SEMA3E: variants seen among roughly 807,000 people sequenced by gnomAD.
SEMA3E encodes the protein semaphorin-3E.
A neutral mutation model predicts 93.6 loss-of-function variants in SEMA3E; 49 were observed. The ratio of observed to expected loss-of-function variants is 0.52; its 90% CI spans 0.42 to 0.66. SEMA3E has a LOEUF of 0.66. SEMA3E is among the 30% of genes least tolerant of loss of function. The pLI is 0.00. For synonymous variants in SEMA3E, 363 were observed against 330.7 expected (o/e 1.10, Z -1.06); for missense variants, 906 against 964.8 (o/e 0.94, Z 0.81).
chr7:83,470,424 T>C (rs1022505127), intron 2 of SEMA3E, among the ~76,000 whole-genome samples: 20 of 152,272 alleles, frequency 1.3e-4, no homozygotes, highest in African/African-American at 4.8e-4. Context: ...TTGTACTATG[T>C]GCCAGGCATT....
chr7:83,492,332 CCAGTGAGGTGATTAATACCT>C (rs1206342491), intron 1 of SEMA3E, among the ~76,000 whole-genome samples: 11 of 152,000 alleles, frequency 7.2e-5, no homozygotes, highest in African/African-American at 2.7e-4. Flanking sequence ...TGCCTGCTAC[CCAGTGAGGTGATTAATACCT>C]CATTATCCCT....
At chr7:83,417,235 C>G (rs566819673) in intron 5 of SEMA3E, among the ~76,000 whole-genome samples, 30 of 152,082 alleles carry the variant, frequency 2.0e-4, no homozygotes, top group Non-Finnish European at 4.0e-4. Context: ...GGTGTTTGCT[C>G]TATAAATACA....
At chr7:83,391,599 C>A (rs938806532) in intron 14 of SEMA3E, among the ~76,000 whole-genome samples, 3 of 93,196 alleles carry the variant, frequency 3.2e-5, no homozygotes, top group Non-Finnish European at 8.6e-5. Context: ...CTTATTATAT[C>A]ATTTTTTTAA....
intron 1 of SEMA3E, among the ~76,000 whole-genome samples, chr7:83,506,278 A>T (rs1291303965): frequency 6.6e-6 from 1 of 152,112 alleles, no homozygotes; most frequent in Non-Finnish European, 1.5e-5. Flanking sequence ...ATACAGTATT[A>T]TTCAGACTTA....
Position 83,366,212 on chromosome 7 carries a change from G to A in SEMA3E, c.*1374C>T, listed in dbSNP as rs1422263720. The A allele has an allele frequency of 6.6e-6, 1 of 151,972 alleles. No individual in the cohort carries two copies. Among genetic ancestry groups the A allele is most frequent in the Non-Finnish European group, 1.5e-5 (1 of 67,930 alleles). 9.4% of individuals were successfully genotyped at this position (151,972 alleles called of 1,614,324 possible). ...AATATCTAAATAAATGTTCATAATGGTTCTCCTGTGTAATCCACTTGCTTT... is the reference window on the plus strand; with the variant it reads ...AATATCTAAATAAATGTTCATAATGATTCTCCTGTGTAATCCACTTGCTTT... On this transcript the variant is annotated 3_prime_UTR_variant, in exon 17 of 17. Transcript: ENST00000643230.
chr7:83,438,470 A>G (rs1789047476), intron 4 of SEMA3E, among the ~76,000 whole-genome samples: 1 of 152,154 alleles, frequency 6.6e-6, no homozygotes, highest in East Asian at 1.9e-4. Flanking sequence ...ATAAAATACC[A>G]AGAACTTTAA....
intron 2 of SEMA3E, among the ~76,000 whole-genome samples, chr7:83,472,477 T>C (rs1409398031): frequency 6.6e-6 from 1 of 152,228 alleles, no homozygotes; most frequent in Non-Finnish European, 1.5e-5. Context: ...CTCAAGAGCT[T>C]AAGTCTCCTA....
chr7:83,522,848 C>G (rs116838379), intron 1 of SEMA3E, among the ~76,000 whole-genome samples: 1,574 of 152,212 alleles, frequency 0.01, 25 homozygotes, highest in African/African-American at 0.033. Flanking sequence ...TTCCCTCACA[C>G]TTTGCTCAGT....
chr7:83,621,410 G>T (rs1430668304), intron 1 of SEMA3E, among the ~76,000 whole-genome samples: 1 of 152,090 alleles, frequency 6.6e-6, no homozygotes, highest in Admixed American at 6.5e-5. Context: ...TGTGAAAATG[G>T]CCATACTGCC....
intron 1 of SEMA3E, among the ~76,000 whole-genome samples, chr7:83,627,143 G>T (rs764316789): frequency 3.3e-5 from 5 of 152,128 alleles, no homozygotes; most frequent in Non-Finnish European, 7.4e-5. Context: ...GTCAATTTTA[G>T]AATAAGTGTG....
chr7:83,638,262 A>G (rs1317581249), intron 1 of SEMA3E, among the ~76,000 whole-genome samples: 1 of 152,228 alleles, frequency 6.6e-6, no homozygotes, highest in Non-Finnish European at 1.5e-5. Context: ...TCTTAATTTT[A>G]TCACACTGTT....
intron 4 of SEMA3E, among the ~76,000 whole-genome samples, chr7:83,433,796 A>T (rs1788937609): frequency 6.6e-6 from 1 of 152,116 alleles, no homozygotes; most frequent in Non-Finnish European, 1.5e-5. Flanking sequence ...GTGTTGTATC[A>T]TTTTATTTGA....
rs1209880863 is a variant in SEMA3E, at chr7:83,394,340, T to C, written c.1459-2A>G. ...CATAGAAATAATAGGAACTGGATCC[T>C]GAAATTTTAAAAAAGTTTTCATTTT... is the stretch of plus-strand genomic sequence containing the variant. On this transcript the variant is annotated splice_acceptor_variant, in intron 12 of 16. Transcript: ENST00000643230. LOFTEE classifies it high-confidence loss of function. The C allele has an allele frequency of 1.2e-6, 2 of 1,612,142 alleles. No individual in the cohort carries two copies. The highest frequency in any genetic ancestry group is 8.5e-7 in the Non-Finnish European group (1 of 1,179,180).
At chr7:83,586,773 T>A (rs1253119302) in intron 1 of SEMA3E, among the ~76,000 whole-genome samples, 10 of 152,016 alleles carry the variant, frequency 6.6e-5, no homozygotes, top group Non-Finnish European at 1.5e-4. Flanking sequence ...TTACCCAGCA[T>A]GCTCCAGCAA....
At chr7:83,461,219 C>A (rs1789609633) in intron 4 of SEMA3E, among the ~76,000 whole-genome samples, 1 of 152,106 alleles carries the variant, frequency 6.6e-6, no homozygotes, top group African/African-American at 2.4e-5. Context: ...GTGCCCAGTG[C>A]AACTCGTCCC....
intron 2 of SEMA3E, among the ~76,000 whole-genome samples, chr7:83,487,682 C>CAT (rs3221662): frequency 6.9e-6 from 1 of 144,434 alleles, no homozygotes; most frequent in African/African-American, 2.6e-5. Flanking sequence ...GGCAGGAGGT[C>CAT]GTGTGTGTGT....
chr7:83,503,604 C>A (rs1366511713), intron 1 of SEMA3E, among the ~76,000 whole-genome samples: 16 of 152,056 alleles, frequency 1.1e-4, no homozygotes, highest in Admixed American at 1.0e-3. Context: ...CTTACACCAA[C>A]CTAGATGGTA....
Position 83,396,633 on chromosome 7 carries a change from A to G in SEMA3E, c.1458+5T>C, listed in dbSNP as rs989699672. 1 of 1,581,130 alleles carries G rather than the reference A, an allele frequency of 6.3e-7. No homozygotes were observed. The highest frequency in any genetic ancestry group is 8.7e-7 in the Non-Finnish European group (1 of 1,151,958). Reference sequence around the variant, plus strand: ...AATTTGGTCTGTATTTTTTGCTTTAAATACCTTGAATATCTGAAGTTCTTC... The same window carrying G: ...AATTTGGTCTGTATTTTTTGCTTTAGATACCTTGAATATCTGAAGTTCTTC... On this transcript the variant is annotated splice_donor_5th_base_variant and intron_variant, in intron 12 of 16. Transcript: ENST00000643230.
chr7:83,461,212 C>G (rs1436153388), intron 4 of SEMA3E, among the ~76,000 whole-genome samples: 2 of 152,114 alleles, frequency 1.3e-5, no homozygotes. Context: ...AGTCTCTGTG[C>G]CCAGTGCAAC....
Sources: gnomAD v4.1 joint callset for allele counts (sites outside exome capture counted in the v4.1 genomes callset) on GRCh38, gnomAD v4.1.1 for gene constraint, MANE v1.5 for transcripts, NCBI Gene and HGNC (gene_info 2026-07-23, HGNC 2026-07-21) for gene names.